Variants in SLMAP observed in about 807,000 individuals in gnomAD.
SLMAP encodes sarcolemma associated protein.
A neutral mutation model predicts 128.8 loss-of-function variants in SLMAP; 44 were observed. That is an observed-to-expected ratio of 0.34 (90% CI 0.27 to 0.44). The LOEUF is 0.44. Among genes scored for constraint, SLMAP ranks in the 20% least tolerant of loss-of-function variants. The probability of loss-of-function intolerance (pLI) is 1.00; values close to 1 mark genes in which losing one functional copy is unlikely to be tolerated. For synonymous variants in SLMAP, 327 were observed against 348.8 expected, an observed-to-expected ratio of 0.94 and a Z score of 0.70; for missense variants, 787 against 985.3, an observed-to-expected ratio of 0.80 and a Z score of 2.69.
intron 2 of SLMAP, among the ~76,000 whole-genome samples, chr3:57,809,659 G>A (rs1158601076): frequency 6.6e-6 from 1 of 152,192 alleles, no homozygotes; most frequent in African/African-American, 2.4e-5. Flanking sequence ...AGACAGAAGC[G>A]GGAACTTGTG....
At chr3:57,829,270 C>A (rs983217188) in intron 2 of SLMAP, among the ~76,000 whole-genome samples, 27 of 151,104 alleles carry the variant, frequency 1.8e-4, no homozygotes, top group Non-Finnish European at 3.5e-4. Flanking sequence ...TATTTTTATT[C>A]TGTTCCATTT....
intron 8 of SLMAP, among the ~76,000 whole-genome samples, chr3:57,859,541 A>G (rs1456416467): frequency 6.6e-6 from 1 of 152,114 alleles, no homozygotes; most frequent in African/African-American, 2.4e-5. Flanking sequence ...GGTGACAAAG[A>G]GAGACCCTGT....
rs183261468 is a variant in SLMAP at position 57,896,693 on chromosome 3, A to C, written c.1441+102A>C. 4.1e-4 allele frequency: 522 copies of C among 1,273,474 alleles called. 4 individuals carry two copies. The African/African-American group carries it at 6.0e-3, about 15-fold the overall frequency. The allele number at this position is 1,273,474 out of a possible 1,614,324, so 78.9% of individuals were successfully genotyped here. On this transcript the variant is annotated intron_variant, in intron 16 of 24. Transcript: ENST00000671191. ...TTTCAAAGTATGTGTTTGGGGAAAA[A>C]AAAAACGCTTCCATTTATCAAGTCA...
At chr3:57,819,089 CATTGTT>C (rs1409000280) in intron 2 of SLMAP, among the ~76,000 whole-genome samples, 1 of 152,106 alleles carries the variant, frequency 6.6e-6, no homozygotes, top group African/African-American at 2.4e-5. Context: ...TCATAAATTG[CATTGTT>C]ATTATTTCCA....
chr3:57,862,615 C>T lies in SLMAP; in HGVS notation c.966+529C>T, dbSNP rs367950854. Among the ~76,000 whole-genome samples, 4 of 124,556 alleles carry T rather than the reference C, an allele frequency of 3.2e-5. No individual in the cohort carries two copies. In the South Asian group the frequency reaches 7.5e-4, roughly 23 times the overall value. 81.7% of individuals were successfully genotyped at this position (124,556 alleles called of 152,430 possible). A position where few individuals can be genotyped will look rare whatever the true frequency, so the allele number is the denominator to read the frequency against. Reference sequence around the variant, plus strand: ...ATTGCACCACTGCACTCCAGCCTGGCGACAGAGCAAGACTTCGTCTCACAA... The same window carrying T: ...ATTGCACCACTGCACTCCAGCCTGGTGACAGAGCAAGACTTCGTCTCACAA... On this transcript the variant is annotated intron_variant, in intron 10 of 24. Transcript: ENST00000671191.
intron 6 of SLMAP, among the ~76,000 whole-genome samples, chr3:57,855,483 TTAAG>T (rs2094723364): frequency 6.6e-6 from 1 of 152,046 alleles, no homozygotes. Flanking sequence ...GGGTGAGTCA[TTAAG>T]TGAGTGGTAA....
intron 2 of SLMAP, among the ~76,000 whole-genome samples, chr3:57,761,991 G>C (rs2078747326): frequency 6.7e-6 from 1 of 148,936 alleles, no homozygotes; most frequent in South Asian, 2.2e-4. Flanking sequence ...AGCTTGCAGT[G>C]AGCCGAGATT....
chr3:57,844,800 C>T (rs1049029043), intron 4 of SLMAP, among the ~76,000 whole-genome samples: 4 of 147,284 alleles, frequency 2.7e-5, no homozygotes, highest in East Asian at 2.0e-4. Context: ...CTGCAACCTC[C>T]GCCTCCCAGG....
intron 6 of SLMAP, among the ~76,000 whole-genome samples, chr3:57,855,344 C>T (rs2094717102): frequency 6.6e-6 from 1 of 151,952 alleles, no homozygotes; most frequent in Non-Finnish European, 1.5e-5. Flanking sequence ...CACCACTGCA[C>T]TCCAGCCTGG....
intron 15 of SLMAP, 70 bp from the exon 16 acceptor site, chr3:57,896,441 C>A: frequency 6.8e-7 from 1 of 1,480,234 alleles, no homozygotes; most frequent in South Asian, 1.4e-5. Context: ...GCATTCATAG[C>A]CTGAAGCAGT....
chr3:57,859,628 G>A (rs1189231682), intron 8 of SLMAP, among the ~76,000 whole-genome samples: 1 of 152,098 alleles, frequency 6.6e-6, no homozygotes, highest in African/African-American at 2.4e-5. Flanking sequence ...AATACCACAT[G>A]TTCTCATTTA....
chr3:57,823,242 T>G (rs2092666585), intron 2 of SLMAP, among the ~76,000 whole-genome samples: 1 of 152,240 alleles, frequency 6.6e-6, no homozygotes, highest in Non-Finnish European at 1.5e-5. Context: ...ATTATACTTT[T>G]AAGTTTTAGG....
At chr3:57,927,136 C>T (rs2097024049) in intron 24 of SLMAP, among the ~76,000 whole-genome samples, 160 bp from the exon 25 acceptor site, 2 of 140,192 alleles carry the variant, frequency 1.4e-5, no homozygotes, top group South Asian at 5.0e-4. Flanking sequence ...CCTGCACTCC[C>T]TCACTTTTTT....
At chr3:57,834,352 C>T (rs1185014772) in intron 3 of SLMAP, among the ~76,000 whole-genome samples, 11 of 151,332 alleles carry the variant, frequency 7.3e-5, no homozygotes, top group South Asian at 2.1e-4. Flanking sequence ...ATTAATAAAC[C>T]GTAATGCATT....
chr3:57,913,084 C>A (rs1214637300), intron 20 of SLMAP, 74 bp from the exon 21 acceptor site: 3 of 740,392 alleles, frequency 4.1e-6, no homozygotes, highest in Admixed American at 4.7e-5. Context: ...CCTCTGAAAT[C>A]TTTTCCTTTA....
chr3:57,818,260 A>G (rs1448712411), intron 2 of SLMAP, among the ~76,000 whole-genome samples: 1 of 152,078 alleles, frequency 6.6e-6, no homozygotes, highest in Non-Finnish European at 1.5e-5. Context: ...GGTTCAAGCG[A>G]TTCTCCTGTC....
At chr3:57,901,931 G>A (rs922250301) in intron 17 of SLMAP, 2 of 152,160 alleles carry the variant, frequency 1.3e-5, no homozygotes, top group African/African-American at 2.4e-5. Flanking sequence ...TACTTGGGAG[G>A]CTGAGGCAGG....
intron 21 of SLMAP, among the ~76,000 whole-genome samples, chr3:57,914,289 G>A (rs1456597910): frequency 5.9e-5 from 9 of 152,060 alleles, no homozygotes; most frequent in Non-Finnish European, 1.2e-4. Flanking sequence ...AGCTACTCAG[G>A]AGGCTGAGGT....
intron 15 of SLMAP, among the ~76,000 whole-genome samples, chr3:57,894,421 G>A (rs2096182795): frequency 1.3e-5 from 2 of 152,052 alleles, no homozygotes; most frequent in Non-Finnish European, 2.9e-5. Context: ...TTCCCATAAT[G>A]AACAATACTT....
Sources: gnomAD v4.1 joint callset for allele counts (sites outside exome capture counted in the v4.1 genomes callset) on GRCh38, gnomAD v4.1.1 for gene constraint, MANE v1.5 for transcripts, NCBI Gene and HGNC (gene_info 2026-07-23, HGNC 2026-07-21) for gene names.